The following VPS13D variants were observed in gnomAD, a reference collection of about 807,000 sequenced individuals.
VPS13D encodes vacuolar protein sorting 13 homolog D, also known as intermembrane lipid transfer protein VPS13D.
A neutral mutation model predicts 461.9 loss-of-function variants in VPS13D; 187 were observed. The ratio of observed to expected loss-of-function variants is 0.40; its 90% CI spans 0.36 to 0.46. The LOEUF is 0.46. VPS13D is among the 20% of genes least tolerant of loss of function. The pLI is 0.60. For missense variants in VPS13D, 4,711 were observed against 5,364.9 expected, an observed-to-expected ratio of 0.88 and a Z score of 3.81; for synonymous variants, 1,951 against 1,986.3, an observed-to-expected ratio of 0.98 and a Z score of 0.47.
intron 50 of VPS13D, among the ~76,000 whole-genome samples, chr1:12,362,054 G>A (rs1177076856): frequency 2.0e-5 from 3 of 151,990 alleles, no homozygotes; most frequent in Non-Finnish European, 4.4e-5. Flanking sequence ...GTAGAGATGG[G>A]GTTTCGCCAT....
chr1:12,444,186 A>G (rs968499685), intron 65 of VPS13D, among the ~76,000 whole-genome samples: 14 of 152,266 alleles, frequency 9.2e-5, no homozygotes, highest in African/African-American at 3.4e-4. Flanking sequence ...AGATATTTTT[A>G]CTATGTTTAT....
intron 63 of VPS13D, among the ~76,000 whole-genome samples, chr1:12,406,442 T>C (rs1255115247): frequency 6.6e-6 from 1 of 152,190 alleles, no homozygotes; most frequent in Non-Finnish European, 1.5e-5. Context: ...GTCTTTGGTA[T>C]TGAAGGAATA....
intron 68 of VPS13D, among the ~76,000 whole-genome samples, chr1:12,504,070 T>C (rs1300341583): frequency 6.6e-6 from 1 of 152,292 alleles, no homozygotes; most frequent in South Asian, 2.1e-4. Flanking sequence ...ACAAGTTTGA[T>C]ATGAGGCTCC....
At chr1:12,498,218 A>C (rs946185280) in intron 68 of VPS13D, among the ~76,000 whole-genome samples, 2 of 152,222 alleles carry the variant, frequency 1.3e-5, no homozygotes, top group African/African-American at 4.8e-5. Flanking sequence ...AGTGCTCTAT[A>C]ACCTGAATAG....
chr1:12,319,670 C>T (rs1486056132), intron 32 of VPS13D, 40 bp downstream of exon 32: 1 of 1,612,620 alleles, frequency 6.2e-7, no homozygotes. Flanking sequence ...TGCGTGTTGG[C>T]TCACGAGCAA....
rs1470545448 is a variant in VPS13D at position 12,335,798 on chromosome 1, C to T, written c.8522C>T (p.Ser2841Phe). The T allele has an allele frequency of 6.2e-7, 1 of 1,614,022 alleles. No homozygotes were observed. Among genetic ancestry groups the T allele is most frequent in the Non-Finnish European group, 8.5e-7 (1 of 1,180,004 alleles). ...GCTAAATCAGAAGACTGGATGGGCT[C>T]TTCGGTGGATCCTCCATGTTTTGGA... is the stretch of plus-strand genomic sequence containing the variant. ...ESAKSEDWMG[S>F]SVDPPCFGQS... Residue 2841 changes from serine to phenylalanine, a missense_variant, in exon 39 of 70, where the codon TCT becomes TTT. By Grantham distance (155) the Ser-to-Phe change is radical. Transcript: ENST00000620676.
chr1:12,293,792 A>G (rs1642198514), intron 24 of VPS13D, 88 bp downstream of exon 24: 2 of 1,353,894 alleles, frequency 1.5e-6, no homozygotes, highest in Non-Finnish European at 9.9e-7. Context: ...TGGAAGAGTA[A>G]AGGTAAGTTA....
chr1:12,362,936 T>G, intron 51 of VPS13D, 86 bp downstream of exon 51: 1 of 1,594,104 alleles, frequency 6.3e-7, no homozygotes, highest in South Asian at 1.2e-5. Flanking sequence ...GTACGTTCTG[T>G]GATGCAAGTA....
chr1:12,267,341 C>T (rs540765524), intron 14 of VPS13D, among the ~76,000 whole-genome samples: 2 of 152,282 alleles, frequency 1.3e-5, no homozygotes, highest in South Asian at 2.1e-4. Flanking sequence ...CCCTTAGTTA[C>T]TGACATGAAA....
intron 65 of VPS13D, among the ~76,000 whole-genome samples, chr1:12,448,809 G>T (rs2100370783): frequency 6.6e-6 from 1 of 152,226 alleles, no homozygotes; most frequent in South Asian, 2.1e-4. Flanking sequence ...TCCTATTATG[G>T]GAATGCTTCA....
chr1:12,247,413 T>C (rs1640586476), intron 5 of VPS13D, among the ~76,000 whole-genome samples: 2 of 138,138 alleles, frequency 1.4e-5, no homozygotes, highest in Admixed American at 7.7e-5. Flanking sequence ...CGAGACTCCA[T>C]CTCAAAAAAA....
In VPS13D at chr1:12,509,029, C is replaced by T; in HGVS notation, c.*5C>T. 1.2e-6 allele frequency: 2 copies of T among 1,613,550 alleles called. No homozygotes were observed. The highest frequency in any genetic ancestry group is 1.1e-5 in the South Asian group (1 of 90,852). ...CAGCTGGAGCTGGACTCCTGAAGCC[C>T]CGCTGCTGAGATGGGCGCTCCCGAC... is the stretch of plus-strand genomic sequence containing the variant. On this transcript the variant is annotated 3_prime_UTR_variant, in exon 70 of 70. Transcript: ENST00000620676.
intron 38 of VPS13D, among the ~76,000 whole-genome samples, chr1:12,334,916 T>C (rs900370227): frequency 6.6e-6 from 1 of 152,230 alleles, no homozygotes; most frequent in East Asian, 1.9e-4. Context: ...TAAATATTAC[T>C]TCTGTAGCCA....
At chr1:12,285,191 C>T (rs1222136829) in intron 21 of VPS13D, among the ~76,000 whole-genome samples, 2 of 151,948 alleles carry the variant, frequency 1.3e-5, no homozygotes, top group African/African-American at 4.8e-5. Flanking sequence ...TATAATGAAC[C>T]CCCATTTGCC....
chr1:12,457,729 A>G (rs933126424), intron 66 of VPS13D, among the ~76,000 whole-genome samples: 8 of 152,224 alleles, frequency 5.3e-5, no homozygotes, highest in Non-Finnish European at 1.2e-4. Flanking sequence ...AGCTTTCCTA[A>G]TGGTGAGATT....
intron 67 of VPS13D, among the ~76,000 whole-genome samples, chr1:12,466,464 G>C (rs564625914): frequency 2.6e-5 from 4 of 152,284 alleles, no homozygotes; most frequent in African/African-American, 7.2e-5. Flanking sequence ...CAGAGTTCCT[G>C]TTCCTTAAAA....
At chr1:12,450,452 T>C (rs1645248130) in intron 65 of VPS13D, among the ~76,000 whole-genome samples, 2 of 152,168 alleles carry the variant, frequency 1.3e-5, no homozygotes, top group South Asian at 4.1e-4. Flanking sequence ...CTCTGACTTG[T>C]GGTGGTTTAA....
rs1209520028 is a variant in VPS13D, at chr1:12,329,849, G to A, written c.8218G>A (p.Val2740Ile). The A allele has an allele frequency of 6.2e-7, 1 of 1,614,116 alleles. No individual in the cohort carries two copies. Among genetic ancestry groups the A allele is most frequent in the Non-Finnish European group, 8.5e-7 (1 of 1,180,000 alleles). The change falls in exon 37 of 70, where the codon GTA becomes ATA. Residue 2740 changes from valine to isoleucine, a missense_variant. Coordinates refer to ENST00000620676, the MANE Select transcript of VPS13D (RefSeq NM_015378.4). ...TGCAGGTCTGAATTTTCTTCAGCGT[G>A]TAAGAACTAGCCCTGAAGGCTATGC... ...TFSRLNFLQR[V>I]RTSPEGYAHF...
intron 67 of VPS13D, chr1:12,464,972 G>C (rs1380484643): frequency 6.6e-6 from 1 of 152,248 alleles, no homozygotes; most frequent in Non-Finnish European, 1.5e-5. Flanking sequence ...TGCCACTGAA[G>C]CTATGTGAAG....
Sources: allele counts gnomAD v4.1 joint callset (sites outside exome capture counted in the v4.1 genomes callset), GRCh38; gene constraint gnomAD v4.1.1; transcripts MANE v1.5; gene names NCBI Gene and HGNC (gene_info 2026-07-23, HGNC 2026-07-21).